The following ZMYM3 variants were observed in gnomAD, a reference collection of about 807,000 sequenced individuals.
The protein encoded by ZMYM3 is zinc finger MYM-type containing 3.
Under a neutral mutation model 94.2 loss-of-function variants are expected in ZMYM3, and 6 were observed. That is an observed-to-expected ratio of 0.06 (90% CI 0.03 to 0.13). The LOEUF is 0.13. Among genes scored for constraint, ZMYM3 ranks in the 10% least tolerant of loss-of-function variants. ZMYM3 has a pLI of 1.00. For missense variants in ZMYM3, 664 were observed against 1,132.6 expected (o/e 0.59, Z 5.94); for synonymous variants, 420 against 426.5 (o/e 0.98, Z 0.19).
rs1280268406 is a variant in ZMYM3 at position 71,251,544 on chromosome X, C to T, written c.711+14G>A. ...AAGGGGGAACCAGACTCCTTCCAAT[C>T]CCCTCCCCCTCACCCGTTCAGGCGG... On this transcript the variant is annotated intron_variant, in intron 3 of 24. Coordinates refer to ENST00000314425, the MANE Select transcript of ZMYM3 (RefSeq NM_201599.3). 1.7e-6 allele frequency: 2 copies of T among 1,185,727 alleles called. No individual in the cohort carries two copies. The highest frequency in any genetic ancestry group is 2.3e-6 in the Non-Finnish European group (2 of 882,544).
At position 71,244,779 on chromosome X, in the gene ZMYM3, C is replaced by A. The variant is rs765306623; in HGVS notation, c.3111+11G>T. The A allele has an allele frequency of 5.1e-5, 60 of 1,185,131 alleles. No individual in the cohort carries two copies. The highest frequency in any genetic ancestry group is 6.2e-5 in the Non-Finnish European group (54 of 876,797). On this transcript the variant is annotated intron_variant, in intron 19 of 24. Coordinates refer to ENST00000314425, the MANE Select transcript of ZMYM3 (RefSeq NM_201599.3). ...ATTCTTCTTTTGTACATACAGTAGCCCCAGCCCTACCTTCCTCATGGTTCG... is the reference window on the plus strand; with the variant it reads ...ATTCTTCTTTTGTACATACAGTAGCACCAGCCCTACCTTCCTCATGGTTCG...
intron 18 of ZMYM3, 136 bp from the exon 19 acceptor site, chrX:71,245,029 C>T (rs2030101651): frequency 1.7e-5 from 9 of 529,318 alleles, no homozygotes; most frequent in Non-Finnish European, 2.4e-5. Flanking sequence ...AAAAAGCATG[C>T]TCAGAGGCAC....
chrX:71,245,314 T>A, intron 18 of ZMYM3, 25 bp downstream of exon 18: 3 of 1,207,040 alleles, frequency 2.5e-6, no homozygotes, highest in Non-Finnish European at 3.4e-6. Flanking sequence ...CCATACTCAG[T>A]GGGCATGGCT....
At chrX:71,250,840 C>G (rs2030427214) in intron 4 of ZMYM3, 114 bp from the exon 5 acceptor site, 1 of 769,704 alleles carries the variant, frequency 1.3e-6, no homozygotes, top group African/African-American at 2.1e-5. Flanking sequence ...GCCTTTACAC[C>G]CTGGCCCTTG....
At chrX:71,251,965 A>G in intron 2 of ZMYM3, 1 of 575,325 alleles carries the variant, frequency 1.7e-6, no homozygotes, top group Non-Finnish European at 2.1e-6. Flanking sequence ...GCATCAGTGT[A>G]TGGGTAGCTT....
At chrX:71,249,380 A>G in intron 7 of ZMYM3, 81 bp downstream of exon 7, 1 of 1,149,594 alleles carries the variant, frequency 8.7e-7, no homozygotes, top group Non-Finnish European at 1.2e-6. Flanking sequence ...CCAGCCCTTG[A>G]CCCATCAGCC....
intron 17 of ZMYM3, 27 bp downstream of exon 17, chrX:71,245,641 C>G: frequency 8.3e-7 from 1 of 1,202,250 alleles, no homozygotes; most frequent in East Asian, 3.0e-5. Context: ...CACCCTGTCT[C>G]CCTCGTCGCC....
rs1455075836 is a variant in ZMYM3, at chrX:71,253,032, C to G, written c.224G>C (p.Gly75Ala). The change falls in exon 2 of 25, where the codon GGA becomes GCA. Residue 75 changes from glycine (G) to alanine (A), a missense_variant. By Grantham distance (60) the Gly-to-Ala change is moderately conservative (BLOSUM62 0). This residue lies in a region of ZMYM3 where 196 missense variants were observed against 190.8 expected (regional missense o/e 1.03). Coordinates refer to ENST00000314425, the MANE Select transcript of ZMYM3 (RefSeq NM_201599.3). The stretch of plus-strand genomic sequence containing the variant: ...CCCCAGCCCCAGCAACTCAGTGGCT[C>G]CATCCAGGACTCCAGGGTCTTTTTC... ...GLEKDPGVLD[G>A]ATELLGLGGL... is the part of the protein sequence containing the mutation. 3 of 1,201,692 alleles carry G rather than the reference C, an allele frequency of 2.5e-6. No individual in the cohort carries two copies. Among genetic ancestry groups the G allele is most frequent in the South Asian group, 1.8e-5 (1 of 55,522 alleles).
At chrX:71,241,150 CAGA>C (rs1569220464) in intron 24 of ZMYM3, 42 bp from the exon 25 acceptor site, 1 of 1,193,773 alleles carries the variant, frequency 8.4e-7, no homozygotes, top group Admixed American at 2.2e-5. Context: ...GGTGGCAGGA[CAGA>C]AGATCAGTAC....
At chrX:71,249,247 T>A in intron 7 of ZMYM3, 78 bp from the exon 8 acceptor site, 1 of 1,184,284 alleles carries the variant, frequency 8.4e-7, no homozygotes, top group Non-Finnish European at 1.1e-6. Flanking sequence ...AAACATGAAA[T>A]ATTTCAGGCA....
In ZMYM3 at chrX:71,246,347, G is replaced by A. The variant is rs765666792; in HGVS notation, c.2572+6C>T. ...CAGCCTGTGGCATCGAGGTACCCTG[G>A]CTCACCTGTTTGACTTCCTTTGGAC... is the stretch of plus-strand genomic sequence containing the variant. On this transcript the variant is annotated splice_donor_region_variant and intron_variant, in intron 15 of 24. Transcript: ENST00000314425. 70 of 1,207,782 alleles carry A rather than the reference G, an allele frequency of 5.8e-5. No individual in the cohort carries two copies. The highest frequency in any genetic ancestry group is 3.5e-4 in the Admixed American group (16 of 45,534).
At position 71,250,037 on chromosome X, in the gene ZMYM3, T is replaced by G. The variant is rs1458409095; in HGVS notation, c.1240A>C (p.Lys414Gln). 8.5e-7 allele frequency: 1 copy of G among 1,177,536 alleles called. No homozygotes were observed. Among genetic ancestry groups the G allele is most frequent in the Non-Finnish European group, 1.1e-6 (1 of 879,705 alleles). ...ADATRCSICQKTGEVLHEVSN... is the reference protein window; with the variant it reads ...ADATRCSICQQTGEVLHEVSN... The stretch of plus-strand genomic sequence containing the variant: ...CTGAGTGTCCTCACCTCTCCAGTCT[T>G]CTGGCATATGCTGCAGCGAGTAGCG... The change falls in exon 6 of 25, where the codon AAG becomes CAG. Residue 414 changes from lysine (K) to glutamine (Q), a missense_variant. Transcript: ENST00000314425.
chrX:71,250,772 T>C, intron 4 of ZMYM3, 46 bp from the exon 5 acceptor site: 1 of 1,103,810 alleles, frequency 9.1e-7, no homozygotes, highest in Non-Finnish European at 1.2e-6. Context: ...CCAAACCAGG[T>C]CTCCAACCAT....
At chrX:71,249,201 G>A in intron 7 of ZMYM3, 32 bp from the exon 8 acceptor site, 4 of 1,203,269 alleles carry the variant, frequency 3.3e-6, no homozygotes, top group Non-Finnish European at 4.5e-6. Context: ...GGCTGAGGCT[G>A]GATTTGTCCC....
At chrX:71,248,073 C>A (rs976937473) in intron 11 of ZMYM3, 89 bp downstream of exon 11, 24 of 1,154,902 alleles carry the variant, frequency 2.1e-5, no homozygotes, top group Non-Finnish European at 2.7e-5. Context: ...GGCCCTGCCT[C>A]ATGGACCACT....
chrX:71,247,265 G>A (rs1465700101), intron 13 of ZMYM3, 80 bp downstream of exon 13: 1 of 998,785 alleles, frequency 1.0e-6, no homozygotes, highest in East Asian at 3.4e-5. Context: ...GAACGCAAGA[G>A]GAAGGAGAAA....
chrX:71,251,362 C>T (rs2030462676), intron 3 of ZMYM3, 118 bp from the exon 4 acceptor site: 5 of 949,288 alleles, frequency 5.3e-6, no homozygotes, highest in Non-Finnish European at 7.4e-6. Flanking sequence ...GGACCCTTGG[C>T]CCAGCCCTTA....
In ZMYM3 at chrX:71,242,202, T is replaced by C. The variant is rs1447013170; in HGVS notation, c.3770A>G (p.Tyr1257Cys). 3 of 1,194,075 alleles carry C rather than the reference T, an allele frequency of 2.5e-6. No homozygotes were observed. Among genetic ancestry groups the C allele is most frequent in the Non-Finnish European group, 3.4e-6 (3 of 886,788 alleles). The change falls in exon 23 of 25, where the codon TAC (tyrosine) becomes TGC (cysteine). Residue 1257 changes from tyrosine (Y) to cysteine (C), a missense_variant. Physicochemically the swap from Tyr to Cys is radical, Grantham distance 194. Transcript: ENST00000314425. The part of the protein sequence containing the change: ...RGTTKVVSIR[Y>C]YAPVRQRKGR... ...TTTCCTCTGGCGGACTGGGGCATAG[T>C]AGCGGATGCTCACCACCTTGGTGGT...
Position 71,246,651 on chromosome X carries a change from T to G in ZMYM3, c.2356A>C (p.Lys786Gln). Residue 786 changes from lysine to glutamine, a missense_variant, in exon 14 of 25, where the codon AAA (lysine) becomes CAA (glutamine). Transcript: ENST00000314425. ...CTCACTGTGTTGCTGTTCTCCACTT[T>G]GGTTTGAGAGGGTGTCTGGGGTTTT... ...ESKPQTPSQT[K>Q]VENSNTVRTP... is the part of the protein sequence containing the mutation. 8.3e-7 allele frequency: 1 copy of G among 1,211,855 alleles called. No homozygotes were observed. Among genetic ancestry groups the G allele is most frequent in the Non-Finnish European group, 1.1e-6 (1 of 895,530 alleles).
Sources: gnomAD v4.1 joint callset for allele counts on GRCh38, gnomAD v4.1.1 for gene constraint, gnomAD v4.1.1 regional missense constraint, MANE v1.5 for transcripts, NCBI Gene and HGNC (gene_info 2026-07-23, HGNC 2026-07-21) for gene names.